The following MRRF variants were observed in gnomAD, a reference collection of about 807,000 sequenced individuals.
The protein encoded by MRRF is mitochondrial ribosome recycling factor, also known as ribosome-recycling factor, mitochondrial.
MRRF carries 18 observed loss-of-function variants against 25.1 expected under a neutral mutation model. That is an observed-to-expected ratio of 0.72 (90% CI 0.50 to 1.06). The LOEUF (loss-of-function observed/expected upper bound fraction) is 1.06, where lower values mean the gene tolerates loss of function less well. Among genes scored for constraint, MRRF ranks in the 50% least tolerant of loss-of-function variants. The pLI is 0.00. For missense variants in MRRF, 323 were observed against 319.3 expected, an observed-to-expected ratio of 1.01 and a Z score of -0.09; for synonymous variants, 113 against 112.1, an observed-to-expected ratio of 1.01 and a Z score of -0.05.
intron 5 of MRRF, among the ~76,000 whole-genome samples, chr9:122,295,273 G>A (rs963270557): frequency 4.6e-5 from 7 of 152,146 alleles, no homozygotes; most frequent in African/African-American, 1.7e-4. Context: ...ACAAATAGGA[G>A]CATCATTCCT....
At chr9:122,269,197 A>G (rs1248617119) in intron 1 of MRRF, among the ~76,000 whole-genome samples, 3 of 151,780 alleles carry the variant, frequency 2.0e-5, no homozygotes, top group South Asian at 2.1e-4. Context: ...AATAATAGCC[A>G]TCATTCATTA....
rs1833298073 is a variant in MRRF at position 122,285,025 on chromosome 9, A to G, written c.341-144A>G. 4.4e-6 allele frequency: 3 copies of G among 689,604 alleles called. No homozygotes were observed. In the East Asian group the frequency reaches 8.2e-5, roughly 19 times the overall value. The allele number at this position is 689,604 out of a possible 1,614,324, so 42.7% of individuals were successfully genotyped here. A position where few individuals can be genotyped will look rare whatever the true frequency, so the allele number is the denominator to read the frequency against. On this transcript the variant is annotated intron_variant, in intron 3 of 6. Coordinates refer to ENST00000344641, the MANE Select transcript of MRRF (RefSeq NM_138777.5). ...AGGTTGGTCTCAAACTACTGCCCTC[A>G]AGCATTCCTCCCACTTCACTCCCAA...
chr9:122,305,398 T>G (rs1198287794), intron 5 of MRRF, among the ~76,000 whole-genome samples: 1 of 141,298 alleles, frequency 7.1e-6, no homozygotes, highest in East Asian at 2.0e-4. Context: ...GGAGACAGAC[T>G]GAGACTCATC....
intron 5 of MRRF, among the ~76,000 whole-genome samples, chr9:122,309,786 A>T (rs748300575): frequency 6.6e-6 from 1 of 152,204 alleles, no homozygotes; most frequent in Non-Finnish European, 1.5e-5. Flanking sequence ...TGTTGAATGA[A>T]GCTATAGATT....
chr9:122,308,714 A>T (rs1429486470), intron 5 of MRRF, among the ~76,000 whole-genome samples: 1 of 151,396 alleles, frequency 6.6e-6, no homozygotes, highest in Non-Finnish European at 1.5e-5. Context: ...AAAAAAAAAA[A>T]AAAAAAAAGA....
At chr9:122,266,803 A>G (rs1832121881) in intron 1 of MRRF, among the ~76,000 whole-genome samples, 1 of 152,222 alleles carries the variant, frequency 6.6e-6, no homozygotes, top group Non-Finnish European at 1.5e-5. Context: ...AGTTTAAAAA[A>G]ATATTTCAGT....
intron 4 of MRRF, chr9:122,286,024 T>C (rs1474034826): frequency 7.7e-7 from 1 of 1,300,166 alleles, no homozygotes; most frequent in Non-Finnish European, 1.0e-6. Flanking sequence ...GGGCTTTTTG[T>C]TATTGGTCCA....
intron 1 of MRRF, chr9:122,265,850 C>A: frequency 1.1e-6 from 1 of 931,126 alleles, no homozygotes; most frequent in Non-Finnish European, 1.5e-6. Context: ...TAAAGTGTCT[C>A]ATTCCTTCTT....
At chr9:122,321,467 A>G (rs530072014) in intron 6 of MRRF, among the ~76,000 whole-genome samples, 1 of 152,340 alleles carries the variant, frequency 6.6e-6, no homozygotes, top group Non-Finnish European at 1.5e-5. Context: ...ATCTTCGTGT[A>G]TAGAACTTCA....
At chr9:122,299,637 CT>C (rs1227681645) in intron 5 of MRRF, among the ~76,000 whole-genome samples, 6 of 152,006 alleles carry the variant, frequency 3.9e-5, no homozygotes, top group Admixed American at 3.9e-4. Context: ...GGGACTAAGC[CT>C]TGGACACTTC....
At chr9:122,293,157 G>C (rs980757600) in intron 5 of MRRF, among the ~76,000 whole-genome samples, 1 of 152,138 alleles carries the variant, frequency 6.6e-6, no homozygotes, top group African/African-American at 2.4e-5. Flanking sequence ...ATTATGGATA[G>C]GGAGGGTCAT....
intron 2 of MRRF, among the ~76,000 whole-genome samples, chr9:122,271,401 T>C (rs1832449401): frequency 6.6e-6 from 1 of 152,246 alleles, no homozygotes; most frequent in African/African-American, 2.4e-5. Flanking sequence ...ATATATTGTC[T>C]CCTTATAGGA....
At chr9:122,277,032 G>A (rs1425472489) in intron 2 of MRRF, among the ~76,000 whole-genome samples, 3 of 151,880 alleles carry the variant, frequency 2.0e-5, no homozygotes, top group Non-Finnish European at 4.4e-5. Context: ...GGTAATTTTT[G>A]TATTTTTTGT....
intron 2 of MRRF, among the ~76,000 whole-genome samples, chr9:122,275,944 G>A (rs1832744544): frequency 6.6e-6 from 1 of 151,894 alleles, no homozygotes; most frequent in Admixed American, 6.6e-5. Flanking sequence ...GTCTCCCTCT[G>A]TCACCCAGAC....
At chr9:122,301,732 ATT>A (rs367892122) in intron 5 of MRRF, among the ~76,000 whole-genome samples, 1 of 143,314 alleles carries the variant, frequency 7.0e-6, no homozygotes, top group African/African-American at 2.5e-5. Flanking sequence ...CTGCATGGTG[ATT>A]TTTTTTTTTT....
chr9:122,319,147 C>CTTTTTTTTT (rs35949709), intron 6 of MRRF, among the ~76,000 whole-genome samples: 21 of 121,010 alleles, frequency 1.7e-4, no homozygotes, highest in Non-Finnish European at 2.8e-4. Context: ...TTCTTTCTTT[C>CTTTTTTTTT]TTTTTTTTTT....
Position 122,313,351 on chromosome 9 carries a change from G to T in MRRF, c.676G>T (p.Val226Phe). The T allele has an allele frequency of 6.2e-7, 1 of 1,614,124 alleles. No individual in the cohort carries two copies. The highest frequency in any genetic ancestry group is 8.5e-7 in the Non-Finnish European group (1 of 1,179,956). The change falls in exon 6 of 7, where the codon GTC (valine) becomes TTC (phenylalanine). Residue 226 changes from valine (V) to phenylalanine (F), a missense_variant. Val to Phe is a conservative substitution (Grantham distance 50, BLOSUM62 -1). Coordinates refer to ENST00000344641, the MANE Select transcript of MRRF (RefSeq NM_138777.5). ...MNKLKKSKDT[V>F]SEDTIRLIEK... is the part of the protein sequence containing the mutation. Reference sequence around the variant, plus strand: ...CAAGCTGAAGAAATCCAAGGATACAGTCTCAGAGGACACCATTAGGCTAAT... The same window carrying T: ...CAAGCTGAAGAAATCCAAGGATACATTCTCAGAGGACACCATTAGGCTAAT...
At chr9:122,295,884 T>C (rs1055934823) in intron 5 of MRRF, among the ~76,000 whole-genome samples, 1 of 152,204 alleles carries the variant, frequency 6.6e-6, no homozygotes. Flanking sequence ...TACCCAGAAC[T>C]AAATTTTATT....
intron 5 of MRRF, among the ~76,000 whole-genome samples, chr9:122,302,079 C>G (rs890681581): frequency 6.6e-6 from 1 of 152,014 alleles, no homozygotes; most frequent in East Asian, 1.9e-4. Flanking sequence ...GGAGTATTGT[C>G]TGTCTCTACT....
Sources: allele counts gnomAD v4.1 joint callset (sites outside exome capture counted in the v4.1 genomes callset), GRCh38; gene constraint gnomAD v4.1.1; transcripts MANE v1.5; gene names NCBI Gene and HGNC (gene_info 2026-07-23, HGNC 2026-07-21).